SEMA4F: variants seen among roughly 807,000 people sequenced by gnomAD.
SEMA4F encodes semaphorin-4F.
A neutral mutation model predicts 78.4 loss-of-function variants in SEMA4F; 51 were observed. The ratio of observed to expected loss-of-function variants is 0.65; its 90% CI spans 0.52 to 0.82. SEMA4F has a LOEUF of 0.82. Ranked by LOEUF, SEMA4F falls within the 40% of genes least tolerant of loss-of-function variation. The pLI, the probability that SEMA4F is intolerant of heterozygous loss-of-function variation, is 0.00. For missense variants in SEMA4F, 938 were observed against 1,014.4 expected (o/e 0.92, Z 1.02); for synonymous variants, 418 against 408.7 (o/e 1.02, Z -0.27).
At position 74,675,568 on chromosome 2, in the gene SEMA4F, C is replaced by G. The variant is rs1203851545; in HGVS notation, c.1416C>G (p.Leu472=). 1.2e-6 allele frequency: 2 copies of G among 1,614,206 alleles called. No individual in the cohort carries two copies. The highest frequency in any genetic ancestry group is 8.5e-7 in the Non-Finnish European group (1 of 1,180,032). The part of the protein sequence containing the change: ...LHRAVRIGAQ[L]SVLEDLALFP... ...GAGCAGTGCGGATCGGAGCTCAGCT[C>G]AGCGTTCTTGAAGATCTGGCCTTAT... The change falls in exon 11 of 14, where the codon CTC becomes CTG. Residue 472 remains leucine (L), a synonymous_variant. Transcript: ENST00000357877.
At chr2:74,656,290 G>C (rs186095944) in intron 1 of SEMA4F, among the ~76,000 whole-genome samples, 4 of 152,240 alleles carry the variant, frequency 2.6e-5, no homozygotes, top group Non-Finnish European at 5.9e-5. Context: ...GATTACAGGC[G>C]TGAGCAACCG....
At position 74,680,414 on chromosome 2, in the gene SEMA4F, A is replaced by C; in HGVS notation, c.*205A>C. 1.9e-6 allele frequency: 1 copy of C among 537,944 alleles called. No individual in the cohort carries two copies. The highest frequency in any genetic ancestry group is 3.1e-6 in the Non-Finnish European group (1 of 318,270). The allele number at this position is 537,944 out of a possible 1,614,324, so 33.3% of individuals were successfully genotyped here. Reference sequence around the variant, plus strand: ...TGCCTGATTCCTGATTCCCATGAGAAATCAGAACTGCTTTCTGCAGCAAAT... The same window carrying C: ...TGCCTGATTCCTGATTCCCATGAGACATCAGAACTGCTTTCTGCAGCAAAT... On this transcript the variant is annotated 3_prime_UTR_variant, in exon 14 of 14. Transcript: ENST00000357877.
chr2:74,668,949 A>T (rs1684837488), intron 5 of SEMA4F, among the ~76,000 whole-genome samples: 1 of 151,584 alleles, frequency 6.6e-6, no homozygotes, highest in African/African-American at 2.4e-5. Flanking sequence ...AAAAAAAAAA[A>T]AAAATTAGCT....
rs573052632 is a variant in SEMA4F at position 74,660,328 on chromosome 2, A to T, written c.456+2377A>T. Among the ~76,000 whole-genome samples the T allele has an allele frequency of 2.0e-5, 3 of 152,354 alleles. No individual in the cohort carries two copies. In the South Asian group the frequency reaches 6.2e-4, roughly 32 times the overall value. On this transcript the variant is annotated intron_variant, in intron 4 of 13. Coordinates refer to ENST00000357877, the MANE Select transcript of SEMA4F (RefSeq NM_004263.5). ...CCTCTAGTCTAGCCTGCAGCCCAGA[A>T]GACCTTATCTGTCTTCAATTTCTTG...
chr2:74,692,177 C>T, the SEMA4F span, among the ~76,000 whole-genome samples: 1 of 152,202 alleles, frequency 6.6e-6, no homozygotes. Context: ...GAGTGGCCTT[C>T]TCACAACTTC....
intron 5 of SEMA4F, among the ~76,000 whole-genome samples, chr2:74,664,530 C>T (rs1684587207): frequency 6.6e-6 from 1 of 152,104 alleles, no homozygotes; most frequent in Non-Finnish European, 1.5e-5. Context: ...TTTAATGGCT[C>T]ATTATCTGTT....
chr2:74,656,452 A>G (rs1017669309), intron 1 of SEMA4F, 82 bp from the exon 2 acceptor site: 1 of 1,454,336 alleles, frequency 6.9e-7, no homozygotes. Context: ...AAGAAAACAA[A>G]AATTGGCCCC....
the SEMA4F span, among the ~76,000 whole-genome samples, chr2:74,690,188 C>G: frequency 2.3e-4 from 35 of 152,184 alleles, no homozygotes; most frequent in African/African-American, 8.2e-4. Context: ...ACTTGCTTGA[C>G]TACAGGTGTG....
At chr2:74,668,319 C>A (rs561327556) in intron 5 of SEMA4F, among the ~76,000 whole-genome samples, 1 of 152,276 alleles carries the variant, frequency 6.6e-6, no homozygotes, top group East Asian at 1.9e-4. Flanking sequence ...ATTTTGAGGC[C>A]AAGTCTACCT....
chr2:74,704,940 C>T, the SEMA4F span, among the ~76,000 whole-genome samples: 6 of 152,192 alleles, frequency 3.9e-5, no homozygotes, highest in African/African-American at 1.4e-4. Flanking sequence ...CCTCCTGCCC[C>T]TCAATCCAAG....
At chr2:74,694,670 C>T in the SEMA4F span, among the ~76,000 whole-genome samples, 79 of 152,334 alleles carry the variant, frequency 5.2e-4, no homozygotes, top group Non-Finnish European at 7.9e-4. Context: ...TTTTAAATAA[C>T]AGCTCTGTGT....
intron 5 of SEMA4F, among the ~76,000 whole-genome samples, chr2:74,664,048 A>G (rs1217995683): frequency 1.1e-4 from 16 of 152,190 alleles, no homozygotes; most frequent in Admixed American, 1.0e-3. Flanking sequence ...CTGGAGAATG[A>G]CTGTCTAATT....
At chr2:74,654,599 G>A in intron 1 of SEMA4F, 78 bp downstream of exon 1, 1 of 1,285,472 alleles carries the variant, frequency 7.8e-7, no homozygotes, top group Non-Finnish European at 1.0e-6. Context: ...CAGACCGCTC[G>A]GCCGGACCCG....
chr2:74,706,394 G>T, the SEMA4F span, among the ~76,000 whole-genome samples: 4 of 152,170 alleles, frequency 2.6e-5, no homozygotes, highest in Admixed American at 2.6e-4. Flanking sequence ...CAAACCCAAA[G>T]ACTTCAGGTC....
At chr2:74,702,405 G>A in the SEMA4F span, among the ~76,000 whole-genome samples, 1 of 152,164 alleles carries the variant, frequency 6.6e-6, no homozygotes, top group Admixed American at 6.5e-5. Context: ...AAGCAACGAA[G>A]CAACTTTGTC....
At chr2:74,671,341 C>G (rs1171417886) in intron 5 of SEMA4F, among the ~76,000 whole-genome samples, 7 of 152,326 alleles carry the variant, frequency 4.6e-5, no homozygotes, top group African/African-American at 1.7e-4. Context: ...GTGCCTGAGA[C>G]ACGCTGCTTC....
intron 2 of SEMA4F, among the ~76,000 whole-genome samples, chr2:74,657,361 A>G (rs1684208331): frequency 6.6e-6 from 1 of 152,230 alleles, no homozygotes; most frequent in Non-Finnish European, 1.5e-5. Flanking sequence ...ATTCTATTTC[A>G]TTAAAAATAA....
chr2:74,700,154 A>T, the SEMA4F span, among the ~76,000 whole-genome samples: 1 of 151,442 alleles, frequency 6.6e-6, no homozygotes, highest in South Asian at 2.1e-4. Flanking sequence ...TTCTTAAATA[A>T]TCTGCAGAAA....
Position 74,680,157 on chromosome 2 carries a change from A to T in SEMA4F, c.2261A>T (p.His754Leu). Residue 754 changes from histidine (H) to leucine (L), a missense_variant, in exon 14 of 14, where the codon CAC becomes CTC. Coordinates refer to ENST00000357877, the MANE Select transcript of SEMA4F (RefSeq NM_004263.5). ...FLLDPCPSPA[H>L]IRLTGAPLAT... ...CTTGATCCTTGCCCAAGCCCAGCCC[A>T]CATTCGGCTAACTGGGGCTCCTCTA... The T allele has an allele frequency of 6.2e-7, 1 of 1,600,592 alleles. No individual in the cohort carries two copies. Among genetic ancestry groups the T allele is most frequent in the Non-Finnish European group, 8.5e-7 (1 of 1,169,810 alleles).
Sources: gnomAD v4.1 joint callset for allele counts (sites outside exome capture counted in the v4.1 genomes callset) on GRCh38, gnomAD v4.1.1 for gene constraint, MANE v1.5 for transcripts, NCBI Gene and HGNC (gene_info 2026-07-23, HGNC 2026-07-21) for gene names.